LRBA: variants seen among roughly 807,000 people sequenced by gnomAD.
LRBA encodes LPS responsive beige-like anchor protein, also known as lipopolysaccharide-responsive and beige-like anchor protein.
LRBA carries 176 observed loss-of-function variants against 330.0 expected under a neutral mutation model. That is an observed-to-expected ratio of 0.53 (90% CI 0.47 to 0.60). The LOEUF (loss-of-function observed/expected upper bound fraction) is 0.60. LRBA is among the 20% of genes least tolerant of loss of function. The pLI, the probability that LRBA is intolerant of heterozygous loss-of-function variation, is 0.00. For missense variants in LRBA, 3,259 were observed against 3,444.8 expected, an observed-to-expected ratio of 0.95 and a Z score of 1.35; for synonymous variants, 1,230 against 1,193.0, an observed-to-expected ratio of 1.03 and a Z score of -0.64.
chr4:150,621,964 T>C (rs1776336850), intron 37 of LRBA, among the ~76,000 whole-genome samples: 4 of 152,188 alleles, frequency 2.6e-5, no homozygotes, highest in South Asian at 2.1e-4. Flanking sequence ...GACTTTTTCT[T>C]TCTCCTTGCC....
chr4:150,466,708 A>G (rs1755493558), intron 44 of LRBA, among the ~76,000 whole-genome samples: 1 of 152,146 alleles, frequency 6.6e-6, no homozygotes, highest in Non-Finnish European at 1.5e-5. Flanking sequence ...TAAGGAAAGA[A>G]GCTTTAGGAA....
At chr4:150,699,841 G>T (rs1220704069) in intron 36 of LRBA, among the ~76,000 whole-genome samples, 1 of 152,230 alleles carries the variant, frequency 6.6e-6, no homozygotes, top group East Asian at 1.9e-4. Flanking sequence ...TGTCTCACTG[G>T]TTGGGTATTC....
At chr4:150,542,607 T>C (rs530594036) in intron 40 of LRBA, among the ~76,000 whole-genome samples, 33 of 152,306 alleles carry the variant, frequency 2.2e-4, no homozygotes, top group African/African-American at 7.7e-4. Context: ...AAAAAGTGAA[T>C]ACTGAATTTG....
At chr4:150,666,526 A>C (rs1781572658) in intron 37 of LRBA, among the ~76,000 whole-genome samples, 1 of 152,186 alleles carries the variant, frequency 6.6e-6, no homozygotes, top group Admixed American at 6.5e-5. Context: ...AAAAAGAAAA[A>C]AAAATGCAAA....
intron 48 of LRBA, among the ~76,000 whole-genome samples, chr4:150,326,283 T>C (rs1199685973): frequency 6.6e-6 from 1 of 152,162 alleles, no homozygotes. Context: ...GCTTCTTTGA[T>C]TCTAGGTCCC....
At chr4:150,559,386 C>A (rs1386364834) in intron 40 of LRBA, among the ~76,000 whole-genome samples, 1 of 150,814 alleles carries the variant, frequency 6.6e-6, no homozygotes, top group Non-Finnish European at 1.5e-5. Flanking sequence ...CATGGTGAAA[C>A]CCCGTCTCTA....
At chr4:150,517,766 T>C (rs1032368494) in intron 40 of LRBA, among the ~76,000 whole-genome samples, 1 of 152,188 alleles carries the variant, frequency 6.6e-6, no homozygotes, top group Non-Finnish European at 1.5e-5. Context: ...TTGTATAAAG[T>C]AGAATTCCCT....
intron 23 of LRBA, 150 bp downstream of exon 23, chr4:150,851,735 A>G (rs1750641869): frequency 1.2e-5 from 9 of 774,984 alleles, no homozygotes; most frequent in Non-Finnish European, 1.7e-5. Flanking sequence ...TGTGCTAATG[A>G]TCTGAAATAC....
In LRBA at chr4:150,293,069, A is replaced by G. The variant is rs564638390; in HGVS notation, c.8018-7035T>C. 1.3e-4 allele frequency among the ~76,000 whole-genome samples: 20 copies of G among 152,274 alleles called. No homozygotes were observed. The South Asian group carries it at 4.1e-3, about 32-fold the overall frequency. On this transcript the variant is annotated intron_variant, in intron 53 of 56. Transcript: ENST00000651943. ...TTTGTTTAAAAAGCCCAAATACATA[A>G]TGAACTTATTAGGCATATAGATTAT...
At chr4:150,823,834 T>A (rs1296228598) in intron 30 of LRBA, among the ~76,000 whole-genome samples, 2 of 152,092 alleles carry the variant, frequency 1.3e-5, no homozygotes, top group Non-Finnish European at 2.9e-5. Flanking sequence ...TATGACAGTA[T>A]CATGCTGTTT....
rs143660105 is a variant in LRBA at position 150,619,101 on chromosome 4, A to C, written c.5922-19970T>G. On this transcript the variant is annotated intron_variant, in intron 37 of 56. Coordinates refer to ENST00000651943, the MANE Select transcript of LRBA (RefSeq NM_001364905.1). ...AGTTTTATAAGTTTATTATCAATGC[A>C]AGTTTAAAAAGAAAATAAAATCACA... Among the ~76,000 whole-genome samples the C allele has an allele frequency of 8.3e-3, 1,262 of 152,242 alleles. 12 individuals carry two copies. Among genetic ancestry groups the C allele is most frequent in the African/African-American group, 0.029 (1,196 of 41,558 alleles).
At chr4:150,621,865 A>T (rs1440464763) in intron 37 of LRBA, among the ~76,000 whole-genome samples, 3 of 152,168 alleles carry the variant, frequency 2.0e-5, no homozygotes. Context: ...GCTTGTACTG[A>T]GGGCAATGCT....
chr4:150,436,931 C>T, intron 44 of LRBA, 67 bp from the exon 45 acceptor site: 2 of 1,369,768 alleles, frequency 1.5e-6, no homozygotes, highest in South Asian at 2.4e-5. Flanking sequence ...TTCCTCTCTT[C>T]TGATGATATC....
chr4:150,968,559 C>T (rs1431415115), intron 2 of LRBA, among the ~76,000 whole-genome samples: 1 of 152,208 alleles, frequency 6.6e-6, no homozygotes, highest in African/African-American at 2.4e-5. Flanking sequence ...AAGGCCCTAA[C>T]TCTCTTCAAT....
chr4:150,584,472 T>TCCCCCC (rs67191302), intron 40 of LRBA: 1 of 129,032 alleles, frequency 7.8e-6, no homozygotes, highest in African/African-American at 4.1e-5. Flanking sequence ...CTCCACCCCA[T>TCCCCCC]CCCCCCCCCC....
chr4:150,997,790 G>A (rs1321573341), intron 2 of LRBA, among the ~76,000 whole-genome samples: 2 of 151,506 alleles, frequency 1.3e-5, no homozygotes, highest in South Asian at 2.1e-4. Context: ...TGCAACCTCC[G>A]TCTCCCGGGT....
intron 36 of LRBA, among the ~76,000 whole-genome samples, chr4:150,734,630 T>C (rs1332691070): frequency 6.6e-6 from 1 of 152,188 alleles, no homozygotes; most frequent in Non-Finnish European, 1.5e-5. Flanking sequence ...TGAATTTGGG[T>C]CATTTCTATA....
At chr4:150,952,584 A>G (rs1442354076) in intron 2 of LRBA, among the ~76,000 whole-genome samples, 1 of 152,100 alleles carries the variant, frequency 6.6e-6, no homozygotes, top group Non-Finnish European at 1.5e-5. Context: ...TGTGTCTGTC[A>G]ATGTCTGCCT....
At chr4:150,934,998 A>C (rs371508283) in intron 2 of LRBA, among the ~76,000 whole-genome samples, 1 of 132,232 alleles carries the variant, frequency 7.6e-6, no homozygotes, top group East Asian at 2.3e-4. Context: ...ACAAGAGTAA[A>C]TCTCCATCTC....
Sources: allele counts gnomAD v4.1 joint callset (sites outside exome capture counted in the v4.1 genomes callset), GRCh38; gene constraint gnomAD v4.1.1; transcripts MANE v1.5; gene names NCBI Gene and HGNC (gene_info 2026-07-23, HGNC 2026-07-21).